The following KSR2 variants were observed in gnomAD, a reference collection of about 807,000 sequenced individuals.
KSR2 encodes the protein kinase suppressor of ras 2.
In KSR2, 25 loss-of-function variants were observed where a neutral mutation model predicts 107.8. The ratio of observed to expected loss-of-function variants is 0.23; its 90% CI spans 0.17 to 0.32. The LOEUF (loss-of-function observed/expected upper bound fraction) is 0.32, where lower values mean the gene tolerates loss of function less well. KSR2 is among the 10% of genes least tolerant of loss of function. The pLI is 1.00. For missense variants in KSR2, 887 were observed against 1,268.9 expected (o/e 0.70, Z 4.57); for synonymous variants, 480 against 507.0 (o/e 0.95, Z 0.71).
chr12:117,858,076 C>A (rs1893158990), intron 2 of KSR2, among the ~76,000 whole-genome samples: 1 of 152,122 alleles, frequency 6.6e-6, no homozygotes, highest in Admixed American at 6.6e-5. Context: ...GTAAGTGAAG[C>A]CAGAGATCTC....
chr12:117,658,465 C>A (rs1371315333), intron 5 of KSR2, among the ~76,000 whole-genome samples: 1 of 152,184 alleles, frequency 6.6e-6, no homozygotes, highest in Non-Finnish European at 1.5e-5. Context: ...AAGTCAAGTT[C>A]TACTGAAACA....
intron 1 of KSR2, among the ~76,000 whole-genome samples, chr12:117,906,668 G>A (rs78667523): frequency 6.6e-4 from 101 of 151,958 alleles, no homozygotes; most frequent in African/African-American, 2.2e-3. Flanking sequence ...ATCTTTTGAT[G>A]TGCTCATGAT....
At chr12:117,690,479 C>T (rs776206620) in intron 4 of KSR2, among the ~76,000 whole-genome samples, 6 of 152,048 alleles carry the variant, frequency 3.9e-5, no homozygotes, top group Non-Finnish European at 8.8e-5. Flanking sequence ...GCAGGAGAAT[C>T]GCTTAAACCT....
intron 3 of KSR2, among the ~76,000 whole-genome samples, chr12:117,770,496 G>T (rs559601066): frequency 6.6e-6 from 1 of 152,062 alleles, no homozygotes; most frequent in East Asian, 1.9e-4. Context: ...GTATGTTTCT[G>T]CTGGTTTAAG....
intron 4 of KSR2, among the ~76,000 whole-genome samples, chr12:117,695,343 A>G (rs372532198): frequency 1.3e-5 from 2 of 152,238 alleles, no homozygotes; most frequent in East Asian, 3.9e-4. Context: ...ACTTAATATC[A>G]CTGAACTGTA....
intron 3 of KSR2, among the ~76,000 whole-genome samples, chr12:117,815,905 G>A (rs2137062490): frequency 6.6e-6 from 1 of 151,684 alleles, no homozygotes; most frequent in South Asian, 2.1e-4. Context: ...AACCTGGGAG[G>A]CAGAGGTTGC....
intron 5 of KSR2, among the ~76,000 whole-genome samples, chr12:117,608,093 A>C (rs1881395698): frequency 6.6e-6 from 1 of 152,232 alleles, no homozygotes; most frequent in Admixed American, 6.5e-5. Context: ...CATTGGAGCA[A>C]ACGATTAAGG....
intron 5 of KSR2, among the ~76,000 whole-genome samples, chr12:117,618,841 C>T (rs557372033): frequency 3.9e-5 from 6 of 152,286 alleles, no homozygotes; most frequent in Non-Finnish European, 7.4e-5. Context: ...CACTCAGTCT[C>T]GGATATGTCT....
intron 7 of KSR2, among the ~76,000 whole-genome samples, chr12:117,578,718 A>C (rs1327771801): frequency 1.3e-5 from 2 of 152,130 alleles, no homozygotes; most frequent in African/African-American, 4.8e-5. Context: ...TTTGCAAATA[A>C]AGTTTTATTG....
chr12:117,836,358 C>A (rs940918965), intron 3 of KSR2, among the ~76,000 whole-genome samples: 2 of 152,112 alleles, frequency 1.3e-5, no homozygotes, highest in Non-Finnish European at 2.9e-5. Context: ...ATGCCAACAC[C>A]GTACTTATTA....
At chr12:117,778,317 C>G (rs1185203657) in intron 3 of KSR2, among the ~76,000 whole-genome samples, 2 of 152,108 alleles carry the variant, frequency 1.3e-5, no homozygotes, top group Admixed American at 6.5e-5. Context: ...TCTCAAACTC[C>G]TGACCTCAGG....
chr12:117,606,878 C>T (rs1006588593), intron 5 of KSR2, among the ~76,000 whole-genome samples: 20 of 152,060 alleles, frequency 1.3e-4, no homozygotes, highest in African/African-American at 4.1e-4. Flanking sequence ...GATACAGTCA[C>T]AAATAAACAC....
At chr12:117,714,950 G>C (rs1485326826) in intron 4 of KSR2, among the ~76,000 whole-genome samples, 1 of 152,078 alleles carries the variant, frequency 6.6e-6, no homozygotes, top group African/African-American at 2.4e-5. Flanking sequence ...CATGTGTCCT[G>C]GCTTCTGGCT....
In KSR2 at chr12:117,968,196, G is replaced by A; in HGVS notation, c.60C>T (p.Ala20=). The A allele has an allele frequency of 6.2e-7, 1 of 1,609,404 alleles. No homozygotes were observed. The highest frequency in any genetic ancestry group is 8.5e-7 in the Non-Finnish European group (1 of 1,178,212). Residue 20 remains alanine (A), a synonymous_variant, in exon 1 of 20, where the codon GCC becomes GCT. Transcript: ENST00000339824. ...EEQQPLSLQK[A]LQQCELVQNM... is the part of the protein sequence containing the mutation. ...TTTGGACCAGTTCGCACTGCTGTAA[G>A]GCTTTTTGCAAACTCAGAGGCTGCT... is the stretch of plus-strand genomic sequence containing the variant.
intron 7 of KSR2, among the ~76,000 whole-genome samples, chr12:117,577,689 T>G (rs2136232491): frequency 6.6e-6 from 1 of 151,432 alleles, no homozygotes; most frequent in African/African-American, 2.4e-5. Flanking sequence ...GCAAAAGGGG[T>G]TTCCCCTTAT....
intron 3 of KSR2, among the ~76,000 whole-genome samples, chr12:117,771,348 T>C (rs1889443949): frequency 6.6e-6 from 1 of 152,160 alleles, no homozygotes; most frequent in Admixed American, 6.5e-5. Context: ...GCTTGAGTTG[T>C]CCCGCCTTTC....
intron 5 of KSR2, among the ~76,000 whole-genome samples, chr12:117,602,126 T>C (rs981941797): frequency 6.6e-6 from 1 of 152,262 alleles, no homozygotes; most frequent in Non-Finnish European, 1.5e-5. Flanking sequence ...ATTCTTCTTT[T>C]GCTTTTTTTC....
chr12:117,543,515 G>A (rs1876646132), intron 9 of KSR2, among the ~76,000 whole-genome samples: 1 of 152,178 alleles, frequency 6.6e-6, no homozygotes, highest in Non-Finnish European at 1.5e-5. Context: ...AGCTGTTGTA[G>A]ATATTCTAGT....
intron 1 of KSR2, among the ~76,000 whole-genome samples, chr12:117,965,123 G>A (rs1896751964): frequency 6.6e-6 from 1 of 152,218 alleles, no homozygotes; most frequent in Admixed American, 6.5e-5. Context: ...TGCAAGGTGA[G>A]GAGGAAGAGA....
Sources: allele counts gnomAD v4.1 joint callset (sites outside exome capture counted in the v4.1 genomes callset), GRCh38; gene constraint gnomAD v4.1.1; transcripts MANE v1.5; gene names NCBI Gene and HGNC (gene_info 2026-07-23, HGNC 2026-07-21).